Variants in PPIP5K2 observed in about 807,000 individuals in gnomAD.
The protein encoded by PPIP5K2 is diphosphoinositol pentakisphosphate kinase 2.
Under a neutral mutation model 154.6 loss-of-function variants are expected in PPIP5K2, and 105 were observed. The ratio of observed to expected loss-of-function variants is 0.68; its 90% confidence interval spans 0.58 to 0.80. The LOEUF (loss-of-function observed/expected upper bound fraction) is 0.80. Ranked by LOEUF, PPIP5K2 falls within the 30% of genes least tolerant of loss-of-function variation. PPIP5K2 has a pLI of 0.00. For synonymous variants in PPIP5K2, 480 were observed against 490.3 expected, an observed-to-expected ratio of 0.98 and a Z score of 0.28; for missense variants, 992 against 1,504.6, an observed-to-expected ratio of 0.66 and a Z score of 5.64.
chr5:103,181,627 G>A (rs953211924), intron 24 of PPIP5K2, among the ~76,000 whole-genome samples: 1 of 151,976 alleles, frequency 6.6e-6, no homozygotes, highest in African/African-American at 2.4e-5. Flanking sequence ...ATGTGTATAT[G>A]TGTGTAAAGG....
rs528620450 is a variant in PPIP5K2, at chr5:103,201,870, C to T, written c.*236C>T. The T allele has an allele frequency of 1.4e-5, 6 of 432,868 alleles. No homozygotes were observed. The highest frequency in any genetic ancestry group is 1.2e-4 in the African/African-American group (6 of 48,422). The allele number at this position is 432,868 out of a possible 1,614,324, so 26.8% of individuals were successfully genotyped here. On this transcript the variant is annotated 3_prime_UTR_variant, in exon 31 of 31. Transcript: ENST00000358359. ...TCGATTGTTGTTAATATGATGTTTA[C>T]CATGTGCACATAGTAATGAAAAGGA... is the stretch of plus-strand genomic sequence containing the variant.
chr5:103,194,850 A>T (rs1801812334), intron 29 of PPIP5K2, 50 bp from the exon 30 acceptor site: 2 of 1,572,190 alleles, frequency 1.3e-6, no homozygotes, highest in Non-Finnish European at 1.7e-6. Context: ...ATGTTAAGAG[A>T]TAATTGGCAG....
At chr5:103,170,699 A>G (rs1460926998) in intron 19 of PPIP5K2, among the ~76,000 whole-genome samples, 3 of 151,102 alleles carry the variant, frequency 2.0e-5, no homozygotes, top group Non-Finnish European at 4.4e-5. Context: ...AATAAATATT[A>G]TCTTGCTTTG....
chr5:103,181,760 T>G (rs1799586481), intron 24 of PPIP5K2, among the ~76,000 whole-genome samples: 1 of 151,986 alleles, frequency 6.6e-6, no homozygotes, highest in Non-Finnish European at 1.5e-5. Context: ...ATGAAAAGAA[T>G]TGTGCTCATT....
intron 2 of PPIP5K2, among the ~76,000 whole-genome samples, chr5:103,131,778 C>T (rs1043453403): frequency 2.0e-5 from 3 of 151,956 alleles, no homozygotes; most frequent in Non-Finnish European, 2.9e-5. Flanking sequence ...AACAAAATAC[C>T]TCAGATCTGT....
intron 28 of PPIP5K2, among the ~76,000 whole-genome samples, chr5:103,188,097 T>A (rs1800687176): frequency 6.6e-6 from 1 of 152,120 alleles, no homozygotes. Context: ...TAAATTCCAT[T>A]TTTGAGGCTG....
chr5:103,143,100 T>A (rs1220802697), intron 5 of PPIP5K2, among the ~76,000 whole-genome samples: 2 of 152,196 alleles, frequency 1.3e-5, no homozygotes, highest in African/African-American at 2.4e-5. Context: ...ATAATTGTAA[T>A]AAAATGTTAT....
intron 1 of PPIP5K2, among the ~76,000 whole-genome samples, chr5:103,124,537 C>T (rs1262160069): frequency 6.6e-6 from 1 of 152,070 alleles, no homozygotes; most frequent in Non-Finnish European, 1.5e-5. Context: ...AACCTCAAGT[C>T]TTAATTTATA....
intron 17 of PPIP5K2, among the ~76,000 whole-genome samples, chr5:103,164,668 TA>T (rs1796863392): frequency 6.6e-6 from 1 of 152,084 alleles, no homozygotes; most frequent in Admixed American, 6.6e-5. Flanking sequence ...ACAGATTCCT[TA>T]AAGCATACAT....
intron 17 of PPIP5K2, among the ~76,000 whole-genome samples, chr5:103,161,313 T>C (rs1370357480): frequency 2.0e-5 from 3 of 152,220 alleles, no homozygotes; most frequent in Non-Finnish European, 2.9e-5. Context: ...GGCTGCATAG[T>C]ATTCCATGGT....
At chr5:103,168,719 G>A (rs147304063) in intron 19 of PPIP5K2, among the ~76,000 whole-genome samples, 23 of 151,708 alleles carry the variant, frequency 1.5e-4, no homozygotes, top group African/African-American at 5.1e-4. Flanking sequence ...TTCACTCTTG[G>A]TGTTGTACAT....
At position 103,195,040 on chromosome 5, in the gene PPIP5K2, T is replaced by G. The variant is rs781834069; in HGVS notation, c.3619+15T>G. 1 of 1,596,834 alleles carries G rather than the reference T, an allele frequency of 6.3e-7. No individual in the cohort carries two copies. The highest frequency in any genetic ancestry group is 8.5e-7 in the Non-Finnish European group (1 of 1,175,482). On this transcript the variant is annotated intron_variant, in intron 30 of 30. Transcript: ENST00000358359. ...CAGCAAACCAGGTAAGGGGTGTGTG[T>G]GTTGAGTTTGTGGATTTGCACAGAA...
chr5:103,194,431 T>C (rs139057849), intron 29 of PPIP5K2, among the ~76,000 whole-genome samples: 116 of 152,284 alleles, frequency 7.6e-4, no homozygotes, highest in Non-Finnish European at 1.5e-3. Flanking sequence ...AAGTAATAAA[T>C]AAGTCAAATT....
intron 1 of PPIP5K2, among the ~76,000 whole-genome samples, chr5:103,124,646 TAGTA>T (rs1356312670): frequency 2.6e-5 from 4 of 152,220 alleles, no homozygotes; most frequent in Non-Finnish European, 4.4e-5. Context: ...AATCACAAAG[TAGTA>T]AGTAATTTCT....
At chr5:103,191,794 T>G (rs1459486527) in intron 29 of PPIP5K2, among the ~76,000 whole-genome samples, 4 of 152,032 alleles carry the variant, frequency 2.6e-5, no homozygotes, top group African/African-American at 9.7e-5. Context: ...ACTTTGGAAA[T>G]TCCAGTTTAG....
rs1799278124 is a variant in PPIP5K2 at position 103,180,073 on chromosome 5, C to G, written c.2807C>G (p.Ser936Cys). Residue 936 changes from serine (S) to cysteine (C), a missense_variant, in exon 24 of 31, where the codon TCT becomes TGT. Coordinates refer to ENST00000358359, the MANE Select transcript of PPIP5K2 (RefSeq NM_001276277.3). ...KIDNDDEPHT[S>C]KRDEVDRAVI... ...GATAATGATGATGAACCACATACTT[C>G]TAAAAGAGATGAAGTTGATCGAGCT... The G allele has an allele frequency of 6.3e-7, 1 of 1,598,888 alleles. No homozygotes were observed. Among genetic ancestry groups the G allele is most frequent in the Admixed American group, 1.7e-5 (1 of 57,552 alleles).
intron 4 of PPIP5K2, among the ~76,000 whole-genome samples, chr5:103,137,237 A>G (rs1404485045): frequency 6.8e-6 from 1 of 148,100 alleles, no homozygotes; most frequent in African/African-American, 2.5e-5. Context: ...ATCTCAGCTC[A>G]CTGCAAGCTC....
rs571954759 is a variant in PPIP5K2 at position 103,132,279 on chromosome 5, C to T, written c.115-1174C>T. On this transcript the variant is annotated intron_variant, in intron 2 of 30. Coordinates refer to ENST00000358359, the MANE Select transcript of PPIP5K2 (RefSeq NM_001276277.3). ...AATTTAGGCTGGGCGTGGTAGCTCA[C>T]GCCTGTAATCCCAGCACTTTGGGAG... 3.3e-5 allele frequency among the ~76,000 whole-genome samples: 5 copies of T among 152,274 alleles called. No homozygotes were observed. In the East Asian group the frequency reaches 5.8e-4, roughly 18 times the overall value.
At chr5:103,183,994 A>C (rs1260685932) in intron 25 of PPIP5K2, among the ~76,000 whole-genome samples, 3 of 152,152 alleles carry the variant, frequency 2.0e-5, no homozygotes, top group Non-Finnish European at 4.4e-5. Context: ...TAATATTTTA[A>C]TGTTCTCTTT....
Sources: allele counts gnomAD v4.1 joint callset (sites outside exome capture counted in the v4.1 genomes callset), GRCh38; gene constraint gnomAD v4.1.1; transcripts MANE v1.5; gene names NCBI Gene and HGNC (gene_info 2026-07-23, HGNC 2026-07-21).